LIN9: variants seen among roughly 807,000 people sequenced by gnomAD.
LIN9 encodes protein lin-9 homolog.
A neutral mutation model predicts 78.0 loss-of-function variants in LIN9; 18 were observed. The ratio of observed to expected loss-of-function variants is 0.23; its 90% CI spans 0.16 to 0.34. The LOEUF (loss-of-function observed/expected upper bound fraction) is 0.34, where lower values mean the gene tolerates loss of function less well. LIN9 is among the 10% of genes least tolerant of loss of function. The pLI is 1.00. For synonymous variants in LIN9, 192 were observed against 215.2 expected (o/e 0.89, Z 0.94); for missense variants, 451 against 644.1 (o/e 0.70, Z 3.25).
chr1:226,275,523 G>A (rs1182735553), intron 7 of LIN9, among the ~76,000 whole-genome samples: 4 of 151,086 alleles, frequency 2.6e-5, no homozygotes, highest in South Asian at 2.1e-4. Context: ...GTGAAACCCC[G>A]TCTCTACTAA....
At chr1:226,260,628 GTTTTTTTTTTTTTTTT>G (rs559460640) in intron 10 of LIN9, among the ~76,000 whole-genome samples, 12 of 73,442 alleles carry the variant, frequency 1.6e-4, no homozygotes, top group South Asian at 6.1e-4. Flanking sequence ...GGCCAAATGA[GTTTTTTTTTTTTTTTT>G]TTTTTTTTTT....
Position 226,309,147 on chromosome 1 carries a change from G to A in LIN9, c.-8C>T, listed in dbSNP as rs147594769. The stretch of plus-strand genomic sequence containing the variant: ...CTGGTCGAGCTCCGCCATCTTGAAC[G>A]AGCCGCGCCGCTTTTTCAAAGGCTG... On this transcript the variant is annotated 5_prime_UTR_variant, in exon 1 of 15. Transcript: ENST00000681046. 3 of 1,374,018 alleles carry A rather than the reference G, an allele frequency of 2.2e-6. No homozygotes were observed. The highest frequency in any genetic ancestry group is 2.9e-6 in the Non-Finnish European group (3 of 1,050,722). 85.1% of individuals were successfully genotyped at this position (1,374,018 alleles called of 1,614,324 possible). A position where few individuals can be genotyped will look rare whatever the true frequency, so the allele number is the denominator to read the frequency against.
chr1:226,295,816 G>C (rs1278196061), intron 4 of LIN9, 26 bp downstream of exon 4: 1 of 1,461,554 alleles, frequency 6.8e-7, no homozygotes. Flanking sequence ...CCTTTCCAAT[G>C]AAACAAAATT....
At chr1:226,306,868 T>G (rs1385336295) in intron 1 of LIN9, among the ~76,000 whole-genome samples, 1 of 152,200 alleles carries the variant, frequency 6.6e-6, no homozygotes, top group East Asian at 1.9e-4. Context: ...TCCATAAAAA[T>G]TATTTATGTA....
Position 226,233,527 on chromosome 1 carries a change from A to C in LIN9, c.1246-4T>G. On this transcript the variant is annotated splice_region_variant and splice_polypyrimidine_tract_variant and intron_variant, in intron 12 of 14. Transcript: ENST00000681046. ...GGAGCCCCTGGTCTGGAGCAAGCTG[A>C]ATACAGATGATTGAAGCATGAGACG... 1 of 1,602,296 alleles carries C rather than the reference A, an allele frequency of 6.2e-7. No individual in the cohort carries two copies. The highest frequency in any genetic ancestry group is 8.5e-7 in the Non-Finnish European group (1 of 1,174,366).
At chr1:226,276,887 T>G (rs1278473183) in intron 7 of LIN9, among the ~76,000 whole-genome samples, 2 of 152,158 alleles carry the variant, frequency 1.3e-5, no homozygotes, top group Non-Finnish European at 2.9e-5. Context: ...CTATAAAATG[T>G]TGAGCAGACT....
chr1:226,231,698 AAAAT>A lies in LIN9; in HGVS notation c.*799_*802del, dbSNP rs1215963631. 1 of 153,206 alleles carries A rather than the reference AAAAT, an allele frequency of 6.5e-6. No homozygotes were observed. The highest frequency in any genetic ancestry group is 2.4e-5 in the African/African-American group (1 of 41,474). 9.5% of individuals were successfully genotyped at this position (153,206 alleles called of 1,614,324 possible). A position where few individuals can be genotyped will look rare whatever the true frequency, so the allele number is the denominator to read the frequency against. On this transcript the variant is annotated 3_prime_UTR_variant, in exon 15 of 15. Transcript: ENST00000681046. ...TTTAAAAGTTGTGCAAATAAACAAA[AAAAT>A]ATGAAAATAGTGTGTTATCATTTTT...
In LIN9 at chr1:226,265,606, G is replaced by T. The variant is rs371182825; in HGVS notation, c.965C>A (p.Pro322Gln). The T allele has an allele frequency of 1.2e-6, 2 of 1,607,702 alleles. No homozygotes were observed. The highest frequency in any genetic ancestry group is 1.7e-5 in the Admixed American group (1 of 59,958). The change falls in exon 10 of 15, where the codon CCG (proline) becomes CAG (glutamine). Residue 322 changes from proline to glutamine, a missense_variant. Physicochemically the swap from Pro to Gln is moderately conservative, Grantham distance 76 (BLOSUM62 -1). Transcript: ENST00000681046. The surrounding 1 kb of genome is among the most constrained non-coding windows in gnomAD (Gnocchi z 4.1). ...IDNDPLLGQS[P>Q]WRSKISGSDT... is the part of the protein sequence containing the mutation. ...AGAGCCAGAAATTTTACTTCTCCAC[G>T]GCGACTGTCCTAATAAAGGATCATT...
chr1:226,254,894 G>A (rs574365826), intron 10 of LIN9, among the ~76,000 whole-genome samples: 70 of 136,058 alleles, frequency 5.1e-4, no homozygotes, highest in African/African-American at 1.9e-3. Context: ...CTGGGCGACA[G>A]AGCGAGACTC....
At chr1:226,253,909 T>C (rs1202920039) in intron 10 of LIN9, among the ~76,000 whole-genome samples, 1 of 151,986 alleles carries the variant, frequency 6.6e-6, no homozygotes, top group Non-Finnish European at 1.5e-5. Context: ...AGTAAGATTC[T>C]GTTTCAAAAA....
chr1:226,232,153 G>GT lies in LIN9; in HGVS notation c.*347dup. ...TTTCTTCATACTCTCCATTGCAGCA[G>GT]TTGTCTGCATGTGTTGCGGTGAATT... is the stretch of plus-strand genomic sequence containing the variant. On this transcript the variant is annotated 3_prime_UTR_variant, in exon 15 of 15. Transcript: ENST00000681046. 1 of 399,448 alleles carries GT rather than the reference G, an allele frequency of 2.5e-6. No homozygotes were observed. The highest frequency in any genetic ancestry group is 4.4e-6 in the Non-Finnish European group (1 of 226,494). 24.7% of individuals were successfully genotyped at this position (399,448 alleles called of 1,614,324 possible). A position where few individuals can be genotyped will look rare whatever the true frequency, so the allele number is the denominator to read the frequency against.
At chr1:226,285,961 T>C (rs1661359716) in intron 6 of LIN9, among the ~76,000 whole-genome samples, 1 of 152,172 alleles carries the variant, frequency 6.6e-6, no homozygotes, top group Admixed American at 6.5e-5. Context: ...AATTATAAGA[T>C]GCATACGTAT....
At position 226,232,086 on chromosome 1, in the gene LIN9, T is replaced by C; in HGVS notation, c.*415A>G. ...TCAAGTGGAGTTGTAATTTTCTGGA[T>C]GGAATTTCCACACTGCCACCGACAT... On this transcript the variant is annotated 3_prime_UTR_variant, in exon 15 of 15. Transcript: ENST00000681046. 1 of 398,786 alleles carries C rather than the reference T, an allele frequency of 2.5e-6. No homozygotes were observed. 24.7% of individuals were successfully genotyped at this position (398,786 alleles called of 1,614,324 possible). A position where few individuals can be genotyped will look rare whatever the true frequency, so the allele number is the denominator to read the frequency against.
At chr1:226,277,703 C>A in intron 7 of LIN9, 72 bp downstream of exon 7, 2 of 1,344,762 alleles carry the variant, frequency 1.5e-6, no homozygotes, top group Non-Finnish European at 2.1e-6. Context: ...AAAATAAGAA[C>A]CAAAGAAACA....
intron 1 of LIN9, among the ~76,000 whole-genome samples, chr1:226,303,420 A>C (rs1576364880): frequency 1.3e-5 from 2 of 152,082 alleles, no homozygotes; most frequent in Admixed American, 6.6e-5. Flanking sequence ...GGATGGAGGG[A>C]AGGAAAACTA....
chr1:226,292,782 C>A (rs1661877767), intron 4 of LIN9, among the ~76,000 whole-genome samples: 1 of 152,172 alleles, frequency 6.6e-6, no homozygotes, highest in Non-Finnish European at 1.5e-5. Flanking sequence ...TATGTAAAGT[C>A]TATCTCAACA....
chr1:226,309,180 C>A, upstream of LIN9: 2 of 1,415,986 alleles, frequency 1.4e-6, no homozygotes, highest in Admixed American at 2.6e-5. Flanking sequence ...CTGCCCGCCG[C>A]GGTGCATTGT....
At chr1:226,245,006 G>C (rs539841685) in intron 11 of LIN9, among the ~76,000 whole-genome samples, 20 of 152,170 alleles carry the variant, frequency 1.3e-4, no homozygotes, top group Non-Finnish European at 2.5e-4. Flanking sequence ...GTTTCCAGGA[G>C]TGCAACTGCT....
At chr1:226,289,887 C>T (rs1156327299) in intron 4 of LIN9, among the ~76,000 whole-genome samples, 1 of 137,502 alleles carries the variant, frequency 7.3e-6, no homozygotes, top group African/African-American at 2.7e-5. Flanking sequence ...TTACTTCATC[C>T]CTTACTGCAA....
Sources: allele counts gnomAD v4.1 joint callset (sites outside exome capture counted in the v4.1 genomes callset), GRCh38; gene constraint gnomAD v4.1.1; non-coding constraint Gnocchi (gnomAD v3.1); transcripts MANE v1.5; gene names NCBI Gene and HGNC (gene_info 2026-07-23, HGNC 2026-07-21).